Variants in FRRS1 observed in about 807,000 individuals in gnomAD.
FRRS1 encodes the protein ferric reductase 1.
FRRS1 carries 51 observed loss-of-function variants against 70.7 expected under a neutral mutation model. The ratio of observed to expected loss-of-function variants is 0.72; its 90% CI spans 0.58 to 0.91. FRRS1 has a LOEUF of 0.91. Among genes scored for constraint, FRRS1 ranks in the 40% least tolerant of loss-of-function variants. The pLI is 0.00. For synonymous variants in FRRS1, 225 were observed against 238.7 expected, an observed-to-expected ratio of 0.94 and a Z score of 0.53; for missense variants, 672 against 726.0, an observed-to-expected ratio of 0.93 and a Z score of 0.86.
chr1:99,723,618 C>A (rs1654941641), intron 9 of FRRS1, among the ~76,000 whole-genome samples: 1 of 152,150 alleles, frequency 6.6e-6, no homozygotes, highest in African/African-American at 2.4e-5. Flanking sequence ...GAAGGGGAAT[C>A]ATGTTCTATC....
chr1:99,733,663 T>C (rs1343914106), intron 7 of FRRS1, among the ~76,000 whole-genome samples: 3 of 152,172 alleles, frequency 2.0e-5, no homozygotes, highest in Non-Finnish European at 2.9e-5. Context: ...CACAGTGTTA[T>C]ATAAAAGGGA....
chr1:99,766,349 C>G (rs1657351025), intron 1 of FRRS1, among the ~76,000 whole-genome samples: 1 of 152,148 alleles, frequency 6.6e-6, no homozygotes, highest in Non-Finnish European at 1.5e-5. Context: ...CCAAACACGT[C>G]TCTACTTATA....
At chr1:99,722,627 C>T (rs900750719) in intron 9 of FRRS1, among the ~76,000 whole-genome samples, 1 of 152,142 alleles carries the variant, frequency 6.6e-6, no homozygotes, top group Admixed American at 6.5e-5. Context: ...GCCCAAAAGA[C>T]ATTTGATGAA....
intron 1 of FRRS1, among the ~76,000 whole-genome samples, chr1:99,760,837 A>T (rs1657081410): frequency 6.6e-6 from 1 of 151,902 alleles, no homozygotes; most frequent in Admixed American, 6.6e-5. Flanking sequence ...TTTGGTATAG[A>T]CGGGGGTTTC....
At chr1:99,760,601 T>A (rs1415378113) in intron 1 of FRRS1, among the ~76,000 whole-genome samples, 1 of 152,226 alleles carries the variant, frequency 6.6e-6, no homozygotes, top group African/African-American at 2.4e-5. Context: ...AAGTGGCACA[T>A]TCAATACCAA....
chr1:99,755,137 C>A (rs1656768052), intron 1 of FRRS1, among the ~76,000 whole-genome samples: 1 of 151,950 alleles, frequency 6.6e-6, no homozygotes, highest in African/African-American at 2.4e-5. Flanking sequence ...GAAATAACTG[C>A]AGCCAAGTGC....
At chr1:99,711,582 C>T (rs1654273660) in intron 14 of FRRS1, 1 of 153,244 alleles carries the variant, frequency 6.5e-6, no homozygotes, top group Non-Finnish European at 1.5e-5. Flanking sequence ...TGATTGGACT[C>T]CCACTCTGAC....
intron 1 of FRRS1, among the ~76,000 whole-genome samples, chr1:99,752,422 AG>A (rs546936966): frequency 1.1e-4 from 16 of 152,182 alleles, no homozygotes; most frequent in Non-Finnish European, 1.8e-4. Flanking sequence ...GTTGTGCCTC[AG>A]GGAATAGGGA....
intron 1 of FRRS1, among the ~76,000 whole-genome samples, chr1:99,764,998 T>C (rs552930387): frequency 1.3e-5 from 2 of 152,210 alleles, no homozygotes; most frequent in Non-Finnish European, 2.9e-5. Context: ...TCAGTAAAGG[T>C]GTCCTACACA....
chr1:99,741,986 G>T (rs772016281), intron 5 of FRRS1, among the ~76,000 whole-genome samples, 193 bp downstream of exon 5: 35 of 152,186 alleles, frequency 2.3e-4, no homozygotes, highest in Non-Finnish European at 4.6e-4. Context: ...ACTAATTATG[G>T]TTTCAATTAT....
At chr1:99,743,866 C>T (rs1041202470) in intron 4 of FRRS1, among the ~76,000 whole-genome samples, 1 of 151,990 alleles carries the variant, frequency 6.6e-6, no homozygotes, top group African/African-American at 2.4e-5. Flanking sequence ...GTGTTTTGTG[C>T]ACTACTGTAA....
chr1:99,740,876 G>T lies in FRRS1; in HGVS notation c.493C>A (p.Pro165Thr). 1 of 1,610,182 alleles carries T rather than the reference G, an allele frequency of 6.2e-7. No homozygotes were observed. The highest frequency in any genetic ancestry group is 8.5e-7 in the Non-Finnish European group (1 of 1,176,424). The change falls in exon 6 of 17, where the codon CCA becomes ACA. Residue 165 changes from proline to threonine, a missense_variant. Coordinates refer to ENST00000646001, the MANE Select transcript of FRRS1 (RefSeq NM_001361041.2). Reference sequence around the variant, plus strand: ...GGTGTTGTAAAAGGAAATGCATTTGGTTGTGAAATTATAGGACCAGGAATC... The same window carrying T: ...GGTGTTGTAAAAGGAAATGCATTTGTTTGTGAAATTATAGGACCAGGAATC... ...VKIPGPIISQPNAFPFTTPKA... is the reference protein window; with the variant it reads ...VKIPGPIISQTNAFPFTTPKA...
Position 99,708,800 on chromosome 1 carries a change from C to T in FRRS1, c.*228G>A. 1.3e-6 allele frequency: 1 copy of T among 743,218 alleles called. No individual in the cohort carries two copies. Among genetic ancestry groups the T allele is most frequent in the African/African-American group, 1.8e-5 (1 of 55,856 alleles). 46.0% of individuals were successfully genotyped at this position (743,218 alleles called of 1,614,324 possible). ...TACTTCTCCTGAAGTACAATCTTTC[C>T]TTTAAGACCCAGAATTACATATAGG... On this transcript the variant is annotated 3_prime_UTR_variant, in exon 17 of 17. Coordinates refer to ENST00000646001, the MANE Select transcript of FRRS1 (RefSeq NM_001361041.2).
At chr1:99,709,557 T>C (rs1654176866) in intron 15 of FRRS1, among the ~76,000 whole-genome samples, 1 of 152,216 alleles carries the variant, frequency 6.6e-6, no homozygotes, top group African/African-American at 2.4e-5. Context: ...CAAAATATTG[T>C]ATATATTCAT....
At chr1:99,718,635 C>T (rs1654654005) in intron 10 of FRRS1, among the ~76,000 whole-genome samples, 1 of 151,984 alleles carries the variant, frequency 6.6e-6, no homozygotes, top group East Asian at 1.9e-4. Context: ...GGCCTAGAGC[C>T]TTGTTTTTAG....
rs1557681963 is a variant in FRRS1 at position 99,710,934 on chromosome 1, A to AG, written c.1495dup (p.Leu499ProfsTer12). On this transcript the variant is annotated frameshift_variant, in exon 15 of 17. Transcript: ENST00000646001. LOFTEE classifies it high-confidence loss of function. The stretch of plus-strand genomic sequence containing the variant: ...ATTCAGTCCTGGTAAATCCATTCCC[A>AG]GGAACATCGCTGCCACTACATACAA... The AG allele has an allele frequency of 6.2e-7, 1 of 1,613,514 alleles. No homozygotes were observed. Among genetic ancestry groups the AG allele is most frequent in the African/African-American group, 1.3e-5 (1 of 74,914 alleles).
At chr1:99,730,112 TAG>T (rs1028921069) in intron 7 of FRRS1, among the ~76,000 whole-genome samples, 1 of 152,174 alleles carries the variant, frequency 6.6e-6, no homozygotes, top group Non-Finnish European at 1.5e-5. Context: ...TGGGAAAATA[TAG>T]AGTTCTGTTA....
intron 1 of FRRS1, among the ~76,000 whole-genome samples, chr1:99,753,104 T>A (rs1337419758): frequency 6.6e-6 from 1 of 151,252 alleles, no homozygotes; most frequent in African/African-American, 2.4e-5. Context: ...CCCCAGCTAC[T>A]TAAGAGGCTG....
chr1:99,714,406 ACTC>A (rs768286870), intron 12 of FRRS1, among the ~76,000 whole-genome samples: 56 of 151,916 alleles, frequency 3.7e-4, no homozygotes, highest in Non-Finnish European at 7.2e-4. Context: ...CTGGTCTCGA[ACTC>A]CTGACCTCGT....
Sources: allele counts gnomAD v4.1 joint callset (sites outside exome capture counted in the v4.1 genomes callset), GRCh38; gene constraint gnomAD v4.1.1; transcripts MANE v1.5; gene names NCBI Gene and HGNC (gene_info 2026-07-23, HGNC 2026-07-21).